The following SRBD1 variants were observed in gnomAD, a reference collection of about 807,000 sequenced individuals.
The protein encoded by SRBD1 is S1 RNA binding domain 1.
A neutral mutation model predicts 115.3 loss-of-function variants in SRBD1; 88 were observed. That is an observed-to-expected ratio of 0.76 (90% CI 0.64 to 0.91). SRBD1 has a LOEUF of 0.91. SRBD1 is among the 40% of genes least tolerant of loss of function. SRBD1 has a pLI of 0.00. For synonymous variants in SRBD1, 509 were observed against 407.7 expected (o/e 1.25, Z -2.99); for missense variants, 1,385 against 1,177.4 (o/e 1.18, Z -2.58).
intron 14 of SRBD1, among the ~76,000 whole-genome samples, chr2:45,539,375 A>G (rs1022758454): frequency 2.0e-5 from 3 of 152,196 alleles, no homozygotes; most frequent in African/African-American, 7.2e-5. Context: ...AGAAGAATAA[A>G]ATAGAAAACC....
rs1269106457 is a variant in SRBD1, at chr2:45,454,265, G to C, written c.2049+22728C>G. 5.3e-5 allele frequency among the ~76,000 whole-genome samples: 8 copies of C among 151,948 alleles called. No homozygotes were observed. In the South Asian group the frequency reaches 6.2e-4, roughly 12 times the overall value. On this transcript the variant is annotated intron_variant, in intron 16 of 20. Transcript: ENST00000263736. ...TAAGATCGTGGTACTGTGAGATAAT[G>C]ACTGGGAGCATGATTCACTTTGAAA...
At chr2:45,598,641 T>C (rs977825074) in intron 4 of SRBD1, among the ~76,000 whole-genome samples, 2 of 150,844 alleles carry the variant, frequency 1.3e-5, no homozygotes, top group East Asian at 1.9e-4. Flanking sequence ...TAAGAGGTAA[T>C]AGAAAAGGCA....
chr2:45,546,005 C>G (rs1358763841), intron 14 of SRBD1: 13 of 282,488 alleles, frequency 4.6e-5, no homozygotes, highest in Non-Finnish European at 5.9e-5. Context: ...GGAGATAGCT[C>G]TTGATCACTT....
chr2:45,454,179 A>T (rs918628028), intron 16 of SRBD1, among the ~76,000 whole-genome samples: 5 of 151,886 alleles, frequency 3.3e-5, no homozygotes, highest in African/African-American at 1.2e-4. Flanking sequence ...CTTGCCTAAG[A>T]TTTTATTTGA....
At chr2:45,392,232 A>T (rs1434027016) in intron 20 of SRBD1, among the ~76,000 whole-genome samples, 2 of 152,236 alleles carry the variant, frequency 1.3e-5, no homozygotes, top group South Asian at 4.1e-4. Flanking sequence ...AACCATCTCA[A>T]TGCAGCCTAA....
At chr2:45,606,766 A>C (rs1674287143) in intron 1 of SRBD1, among the ~76,000 whole-genome samples, 1 of 152,248 alleles carries the variant, frequency 6.6e-6, no homozygotes, top group African/African-American at 2.4e-5. Flanking sequence ...AAATTAATTA[A>C]TAAAGGACTT....
At chr2:45,524,300 T>G (rs756108813) in intron 14 of SRBD1, among the ~76,000 whole-genome samples, 7 of 152,030 alleles carry the variant, frequency 4.6e-5, no homozygotes, top group Admixed American at 1.3e-4. Flanking sequence ...CTTCTAGCTA[T>G]GGTAATTAGG....
At chr2:45,399,945 C>T (rs1298393870) in intron 19 of SRBD1, among the ~76,000 whole-genome samples, 1 of 152,082 alleles carries the variant, frequency 6.6e-6, no homozygotes, top group Non-Finnish European at 1.5e-5. Context: ...AACATACAGG[C>T]TCATGGTGGA....
chr2:45,417,922 C>T (rs1418824468), intron 18 of SRBD1, among the ~76,000 whole-genome samples: 2 of 152,182 alleles, frequency 1.3e-5, no homozygotes, highest in Non-Finnish European at 2.9e-5. Flanking sequence ...GTTGGTCCTG[C>T]CTTAGGACTG....
At chr2:45,580,676 C>CATT (rs1673330836) in intron 6 of SRBD1, among the ~76,000 whole-genome samples, 1 of 76,350 alleles carries the variant, frequency 1.3e-5, no homozygotes, top group Admixed American at 1.5e-4. Context: ...TCTTCTACTT[C>CATT]TTTTTTTTTT....
intron 4 of SRBD1, among the ~76,000 whole-genome samples, chr2:45,594,765 A>C (rs1673841646): frequency 6.6e-6 from 1 of 152,232 alleles, no homozygotes; most frequent in Non-Finnish European, 1.5e-5. Flanking sequence ...CACCCTGGCT[A>C]AAATTTTAGT....
intron 16 of SRBD1, chr2:45,447,889 G>A (rs1352235178): frequency 6.6e-6 from 1 of 152,124 alleles, no homozygotes; most frequent in African/African-American, 2.4e-5. Context: ...ATAGTAAACA[G>A]TATTTTCTCT....
chr2:45,543,591 C>G (rs1028631395), intron 14 of SRBD1, among the ~76,000 whole-genome samples: 5 of 152,164 alleles, frequency 3.3e-5, no homozygotes. Context: ...ATTTCAATTT[C>G]AGTGTAACTT....
At chr2:45,585,491 C>T in intron 5 of SRBD1, 117 bp downstream of exon 5, 8 of 1,151,380 alleles carry the variant, frequency 6.9e-6, no homozygotes, top group Non-Finnish European at 8.6e-6. Flanking sequence ...ATCCAGATTA[C>T]AATAATTCAA....
At chr2:45,413,373 T>C (rs1667664002) in intron 18 of SRBD1, 80 bp from the exon 19 acceptor site, 4 of 1,478,998 alleles carry the variant, frequency 2.7e-6, no homozygotes, top group South Asian at 1.3e-5. Context: ...ATGTGCTTAC[T>C]TCTCTGTCAT....
At chr2:45,578,104 A>G (rs1193900059) in intron 7 of SRBD1, among the ~76,000 whole-genome samples, 1 of 152,238 alleles carries the variant, frequency 6.6e-6, no homozygotes, top group African/African-American at 2.4e-5. Flanking sequence ...AGAGAACTCA[A>G]GAGACCTTGG....
intron 14 of SRBD1, among the ~76,000 whole-genome samples, chr2:45,495,728 AGAGAG>A (rs1360644607): frequency 6.6e-6 from 1 of 152,186 alleles, no homozygotes; most frequent in Non-Finnish European, 1.5e-5. Flanking sequence ...GCAGGCTCAT[AGAGAG>A]GAAGGAACAC....
At chr2:45,396,120 T>C (rs550611906) in intron 19 of SRBD1, among the ~76,000 whole-genome samples, 1 of 152,180 alleles carries the variant, frequency 6.6e-6, no homozygotes, top group African/African-American at 2.4e-5. Context: ...AGGTATCATA[T>C]CATACAGAAA....
intron 16 of SRBD1, among the ~76,000 whole-genome samples, chr2:45,432,885 T>TA (rs1668381553): frequency 6.6e-6 from 1 of 152,212 alleles, no homozygotes; most frequent in African/African-American, 2.4e-5. Context: ...AAAACTTTAT[T>TA]ACTCTACCAC....
Sources: gnomAD v4.1 joint callset for allele counts (sites outside exome capture counted in the v4.1 genomes callset) on GRCh38, gnomAD v4.1.1 for gene constraint, MANE v1.5 for transcripts, NCBI Gene and HGNC (gene_info 2026-07-23, HGNC 2026-07-21) for gene names.